Variants in NT5DC4 observed in about 807,000 individuals in gnomAD.
NT5DC4 encodes the protein 5'-nucleotidase domain-containing protein 4.
A neutral mutation model predicts 26.6 loss-of-function variants in NT5DC4; 44 were observed. The ratio of observed to expected loss-of-function variants is 1.65; its 90% CI spans 1.30 to 2.13. The LOEUF is 2.13. Ranked by LOEUF, NT5DC4 falls within the 30% of genes most tolerant of loss-of-function variation. The pLI is 0.00. For missense variants in NT5DC4, 399 were observed against 228.1 expected (o/e 1.75, Z -4.83); for synonymous variants, 157 against 86.7 (o/e 1.81, Z -4.51).
downstream of NT5DC4, chr2:112,740,857 T>A (rs1679890505): frequency 6.2e-7 from 1 of 1,613,520 alleles, no homozygotes; most frequent in African/African-American, 1.3e-5. Flanking sequence ...ACCAGGATAA[T>A]TATGCTGTTC....
At chr2:112,738,711 G>C in intron 16 of NT5DC4, 1 of 688,454 alleles carries the variant, frequency 1.5e-6, no homozygotes, top group Non-Finnish European at 2.5e-6. Context: ...AGTCCTGAGC[G>C]TCCATAATCT....
In NT5DC4 at chr2:112,739,071, T is replaced by C. The variant is rs745617877; in HGVS notation, c.*135T>C. On this transcript the variant is annotated 3_prime_UTR_variant, in exon 17 of 17. Coordinates refer to ENST00000688554, the MANE Select transcript of NT5DC4 (RefSeq NM_001393655.1). Reference sequence around the variant, plus strand: ...ATTCTGAGAGACAGCAAGAGATGCATTAAAAACCTTATCATTTAAAAAAAT... The same window carrying C: ...ATTCTGAGAGACAGCAAGAGATGCACTAAAAACCTTATCATTTAAAAAAAT... 1.3e-6 allele frequency: 2 copies of C among 1,521,690 alleles called. No homozygotes were observed. Among genetic ancestry groups the C allele is most frequent in the South Asian group, 1.2e-5 (1 of 84,808 alleles). 94.3% of individuals were successfully genotyped at this position (1,521,690 alleles called of 1,614,324 possible).
chr2:112,726,926 G>A (rs1233681696), intron 15 of NT5DC4, 188 bp downstream of exon 15: 5 of 628,204 alleles, frequency 8.0e-6, no homozygotes, highest in Non-Finnish European at 1.5e-5. Flanking sequence ...CCAAAGGGCA[G>A]CGGTACCCTC....
chr2:112,740,320 A>G (rs949794775), downstream of NT5DC4, among the ~76,000 whole-genome samples: 85 of 152,348 alleles, frequency 5.6e-4, no homozygotes, highest in Non-Finnish European at 5.9e-5. Flanking sequence ...TCATGATCAG[A>G]GAAGAGTGGT....
At chr2:112,724,018 TG>T (rs1252005409) in intron 9 of NT5DC4, 75 bp from the exon 10 acceptor site, 1 of 715,082 alleles carries the variant, frequency 1.4e-6, no homozygotes, top group Non-Finnish European at 2.6e-6. Context: ...ACCAGTGTGC[TG>T]GGGGGATGGT....
chr2:112,719,463 G>A (rs943242766), upstream of NT5DC4, among the ~76,000 whole-genome samples: 23 of 147,820 alleles, frequency 1.6e-4, no homozygotes, highest in Non-Finnish European at 2.1e-4. Flanking sequence ...TGCTGAAACC[G>A]ACTGTAAACT....
At chr2:112,740,314 G>C (rs1294681038), downstream of NT5DC4, among the ~76,000 whole-genome samples, 9 of 152,188 alleles carry the variant, frequency 5.9e-5, no homozygotes, top group Admixed American at 6.5e-5. Flanking sequence ...TCCAGATCAT[G>C]ATCAGAGAAG....
At position 112,738,819 on chromosome 2, in the gene NT5DC4, G is replaced by T. The variant is rs779434277; in HGVS notation, c.1345-94G>T. The T allele has an allele frequency of 5.1e-6, 8 of 1,576,302 alleles. No homozygotes were observed. The South Asian group carries it at 5.6e-5, about 11-fold the overall frequency. ...ACACCTTTTTTAAAAAAAGCATCAAGAAATTATGATTCAGGGGTTTGAAAC... is the reference window on the plus strand; with the variant it reads ...ACACCTTTTTTAAAAAAAGCATCAATAAATTATGATTCAGGGGTTTGAAAC... On this transcript the variant is annotated intron_variant, in intron 16 of 16. Transcript: ENST00000688554.
chr2:112,725,846 A>T (rs1001865057), intron 13 of NT5DC4, among the ~76,000 whole-genome samples: 2 of 55,460 alleles, frequency 3.6e-5, no homozygotes, highest in Non-Finnish European at 8.1e-5. Context: ...ACCTGACCCC[A>T]CCCTCCCCAC....
intron 15 of NT5DC4, among the ~76,000 whole-genome samples, chr2:112,727,914 C>A (rs1016827822): frequency 5.3e-5 from 8 of 152,270 alleles, no homozygotes; most frequent in Non-Finnish European, 1.2e-4. Flanking sequence ...CTCTACACTG[C>A]CGCCTGCCTC....
intron 16 of NT5DC4, among the ~76,000 whole-genome samples, chr2:112,732,575 C>A (rs1002113527): frequency 6.6e-6 from 1 of 152,190 alleles, no homozygotes; most frequent in Non-Finnish European, 1.5e-5. Flanking sequence ...ACTGCTCAGA[C>A]CCTAGAGCCC....
rs866705625 is a variant in NT5DC4, at chr2:112,721,831, C to T, written c.88C>T (p.Arg30Cys). Residue 30 changes from arginine to cysteine, a missense_variant, in exon 2 of 17, where the codon CGC (arginine) becomes TGC (cysteine). Arg to Cys is a radical substitution (Grantham distance 180). Coordinates refer to ENST00000688554, the MANE Select transcript of NT5DC4 (RefSeq NM_001393655.1). The stretch of plus-strand genomic sequence containing the variant: ...CTCTCTCCCCAGGATTTTTGTCAAC[C>T]GCAGCCTGGCGCTGGGGAAGATTCG... ...QDWHQRIFVN[R>C]SLALGKIRCF... 21 of 717,182 alleles carry T rather than the reference C, an allele frequency of 2.9e-5. No homozygotes were observed. In the Admixed American group the frequency reaches 3.0e-4, roughly 10 times the overall value. The allele number at this position is 717,182 out of a possible 1,614,324, so 44.4% of individuals were successfully genotyped here. A position where few individuals can be genotyped will look rare whatever the true frequency, so the allele number is the denominator to read the frequency against.
At chr2:112,742,842 T>A (rs1680061406), downstream of NT5DC4, 1 of 935,262 alleles carries the variant, frequency 1.1e-6, no homozygotes, top group Non-Finnish European at 1.7e-6. Flanking sequence ...AACTTTAACT[T>A]CAAATACATG....
downstream of NT5DC4, chr2:112,742,766 T>C (rs147301838): frequency 1.1e-5 from 17 of 1,607,978 alleles, no homozygotes; most frequent in Non-Finnish European, 1.4e-5. Context: ...AACTCTTGTA[T>C]TGGCTGGAAG....
At chr2:112,721,450 TTTG>T in intron 1 of NT5DC4, 1 of 717,566 alleles carries the variant, frequency 1.4e-6, no homozygotes, top group Non-Finnish European at 2.6e-6. Context: ...CATCTCTGAA[TTTG>T]GACACTGGGG....
chr2:112,738,876 G>A lies in NT5DC4; in HGVS notation c.1345-37G>A, dbSNP rs76036957. 9.6e-3 allele frequency: 15,464 copies of A among 1,613,802 alleles called. 120 individuals carry two copies. The highest frequency in any genetic ancestry group is 0.018 in the South Asian group (1,633 of 91,074). On this transcript the variant is annotated intron_variant, in intron 16 of 16. Transcript: ENST00000688554. ...GTTACAGGCAGCGCCTCATTTCTAC[G>A]GAATATAAAACATTTTGTTTCTTCC...
chr2:112,742,565 G>T, downstream of NT5DC4: 1 of 709,348 alleles, frequency 1.4e-6, no homozygotes, highest in South Asian at 1.5e-5. Context: ...TGATGACAAT[G>T]GCTGAAAGGG....
chr2:112,727,819 C>T (rs1415537212), intron 15 of NT5DC4, among the ~76,000 whole-genome samples: 1 of 152,166 alleles, frequency 6.6e-6, no homozygotes, highest in African/African-American at 2.4e-5. Context: ...AGGAGCTGGA[C>T]CTGTGCTACA....
intron 13 of NT5DC4, 33 bp downstream of exon 13, chr2:112,725,585 G>T: frequency 1.5e-6 from 1 of 663,554 alleles, no homozygotes; most frequent in Non-Finnish European, 2.8e-6. Context: ...AGTCAGAGGG[G>T]CACTGGCCTC....
Sources: allele counts gnomAD v4.1 joint callset (sites outside exome capture counted in the v4.1 genomes callset), GRCh38; gene constraint gnomAD v4.1.1; transcripts MANE v1.5; gene names NCBI Gene and HGNC (gene_info 2026-07-23, HGNC 2026-07-21).